Variants in TENM3 observed in about 807,000 individuals in gnomAD.
The protein encoded by TENM3 is teneurin transmembrane protein 3.
TENM3 carries 63 observed loss-of-function variants against 255.1 expected under a neutral mutation model. The ratio of observed to expected loss-of-function variants is 0.25; its 90% confidence interval spans 0.20 to 0.30. The LOEUF is 0.30. TENM3 is among the 10% of genes least tolerant of loss of function. The pLI, the probability that TENM3 is intolerant of heterozygous loss-of-function variation, is 1.00. For missense variants in TENM3, 2,929 were observed against 3,461.1 expected (o/e 0.85, Z 3.86); for synonymous variants, 1,306 against 1,322.3 (o/e 0.99, Z 0.27).
At chr4:181,819,862 C>A in the TENM3 span, among the ~76,000 whole-genome samples, 1 of 152,162 alleles carries the variant, frequency 6.6e-6, no homozygotes, top group Non-Finnish European at 1.5e-5. Flanking sequence ...GTACCATTTC[C>A]TGGCCCAGGG....
intron 5 of TENM3, among the ~76,000 whole-genome samples, chr4:182,646,164 T>G (rs1752722911): frequency 6.6e-6 from 1 of 152,142 alleles, no homozygotes; most frequent in African/African-American, 2.4e-5. Context: ...ACATACTACT[T>G]TTGCCCACAT....
At chr4:182,415,481 A>G (rs1164211480) in intron 3 of TENM3, among the ~76,000 whole-genome samples, 2 of 152,202 alleles carry the variant, frequency 1.3e-5, no homozygotes, top group Non-Finnish European at 2.9e-5. Context: ...ACTGGCAGCC[A>G]GGTTTGAACA....
At position 182,528,962 on chromosome 4, in the gene TENM3, G is replaced by A. The variant is rs1007068292; in HGVS notation, c.512-71962G>A. 8.5e-5 allele frequency among the ~76,000 whole-genome samples: 13 copies of A among 152,220 alleles called. No individual in the cohort carries two copies. The East Asian group carries it at 1.5e-3, about 18-fold the overall frequency. ...CTTTGATTGTAGAAGTTCAGAGTTC[G>A]TATTTACTCTGTACCTTAAGTACTT... On this transcript the variant is annotated intron_variant, in intron 3 of 27. Coordinates refer to ENST00000511685, the MANE Select transcript of TENM3 (RefSeq NM_001080477.4).
At chr4:182,504,502 GAT>G in intron 3 of TENM3, among the ~76,000 whole-genome samples, 1 of 152,272 alleles carries the variant, frequency 6.6e-6, no homozygotes, top group Non-Finnish European at 1.5e-5. Flanking sequence ...AGCTATACAA[GAT>G]ATGTTTTGGT....
the TENM3 span, among the ~76,000 whole-genome samples, chr4:181,449,117 T>C: frequency 1.8e-4 from 28 of 152,332 alleles, no homozygotes; most frequent in Non-Finnish European, 2.9e-5. Flanking sequence ...AGCTAGAATT[T>C]TACACCATAT....
chr4:181,889,068 T>G, the TENM3 span, among the ~76,000 whole-genome samples: 1 of 152,078 alleles, frequency 6.6e-6, no homozygotes, highest in Admixed American at 6.6e-5. Context: ...AGTTGACATA[T>G]TAAATCAACC....
chr4:182,470,240 T>C (rs1732985184), intron 3 of TENM3, among the ~76,000 whole-genome samples: 1 of 152,200 alleles, frequency 6.6e-6, no homozygotes, highest in Non-Finnish European at 1.5e-5. Context: ...GATCAAAAAC[T>C]ATAGTAAACA....
Position 182,169,966 on chromosome 4 carries a change from C to T in TENM3, c.-76+25212C>T, listed in dbSNP as rs567223443. ...TATAAAGTGAATCGCTTATAGTTTCCGATTGTTGTGAATGACAAATTTAAG... is the reference window on the plus strand; with the variant it reads ...TATAAAGTGAATCGCTTATAGTTTCTGATTGTTGTGAATGACAAATTTAAG... On this transcript the variant is annotated intron_variant, in intron 1 of 2. Coordinates refer to the TENM3 transcript ENST00000512480. Among the ~76,000 whole-genome samples, 8 of 151,174 alleles carry T rather than the reference C, an allele frequency of 5.3e-5. No individual in the cohort carries two copies. In the East Asian group the frequency reaches 1.6e-3, roughly 30 times the overall value.
At chr4:182,794,831 C>T (rs368268652) in intron 26 of TENM3, among the ~76,000 whole-genome samples, 37 of 152,186 alleles carry the variant, frequency 2.4e-4, no homozygotes, top group African/African-American at 7.7e-4. Flanking sequence ...CTTCACTCAA[C>T]CTCTACTCCA....
chr4:182,195,398 G>C (rs998047342), intron 1 of TENM3, among the ~76,000 whole-genome samples: 6 of 152,102 alleles, frequency 3.9e-5, no homozygotes, highest in African/African-American at 1.2e-4. Context: ...GAGCACTTTG[G>C]GAGGCCAAAG....
rs1411839058 is a variant in TENM3, at chr4:182,628,999, TG to T, written c.988+115del. 1.1e-5 allele frequency: 8 copies of T among 710,444 alleles called. No individual in the cohort carries two copies. The African/African-American group carries it at 1.4e-4, about 13-fold the overall frequency. 44.0% of individuals were successfully genotyped at this position (710,444 alleles called of 1,614,324 possible). A position where few individuals can be genotyped will look rare whatever the true frequency, so the allele number is the denominator to read the frequency against. On this transcript the variant is annotated intron_variant, in intron 5 of 27. Transcript: ENST00000511685. ...AAATATATTGTGAGATTATATTTGGTGGGGGTGAGTTTGGTAATAATGTATC... is the reference window on the plus strand; with the variant it reads ...AAATATATTGTGAGATTATATTTGGTGGGGTGAGTTTGGTAATAATGTATC...
the TENM3 span, among the ~76,000 whole-genome samples, chr4:181,555,390 C>T: frequency 5.3e-5 from 8 of 152,088 alleles, no homozygotes; most frequent in Non-Finnish European, 1.0e-4. Flanking sequence ...AGAAAAGTAC[C>T]ATACTTGGCA....
the TENM3 span, among the ~76,000 whole-genome samples, chr4:181,546,966 T>G: frequency 6.6e-6 from 1 of 152,254 alleles, no homozygotes; most frequent in East Asian, 1.9e-4. Flanking sequence ...CTAAATATTA[T>G]TTGACCCATC....
intron 3 of TENM3, among the ~76,000 whole-genome samples, chr4:182,584,046 AATC>A (rs767165884): frequency 5.9e-5 from 9 of 152,342 alleles, no homozygotes; most frequent in East Asian, 3.9e-4. Flanking sequence ...CAGTTTTAAG[AATC>A]ATCAAGATTT....
At chr4:181,680,230 T>G in the TENM3 span, among the ~76,000 whole-genome samples, 3 of 152,144 alleles carry the variant, frequency 2.0e-5, no homozygotes, top group African/African-American at 7.2e-5. Context: ...GCTTTAATAC[T>G]CTTTCTTTCT....
chr4:181,542,026 T>C, the TENM3 span, among the ~76,000 whole-genome samples: 8,923 of 151,844 alleles, frequency 0.059, 574 homozygotes, highest in African/African-American at 0.16. Context: ...ACATGGCAGG[T>C]ATTCTTCTTA....
At chr4:182,776,798 G>A (rs1394000450) in intron 24 of TENM3, among the ~76,000 whole-genome samples, 2 of 152,170 alleles carry the variant, frequency 1.3e-5, no homozygotes, top group Non-Finnish European at 2.9e-5. Context: ...ACAGGCATGG[G>A]TGTTACTTTC....
chr4:181,997,411 G>A, the TENM3 span, among the ~76,000 whole-genome samples: 32,516 of 152,006 alleles, frequency 0.21, 3,547 homozygotes, highest in Admixed American at 0.26. Context: ...CAATGTTCCC[G>A]AAGTGCTGTC....
the TENM3 span, among the ~76,000 whole-genome samples, chr4:181,762,549 T>C: frequency 2.0e-5 from 3 of 152,160 alleles, no homozygotes; most frequent in African/African-American, 7.2e-5. Flanking sequence ...GCAGGTCAAC[T>C]TCATTTTTGG....
Sources: allele counts gnomAD v4.1 joint callset (sites outside exome capture counted in the v4.1 genomes callset), GRCh38; gene constraint gnomAD v4.1.1; transcripts MANE v1.5; gene names NCBI Gene and HGNC (gene_info 2026-07-23, HGNC 2026-07-21).